Variants in SH3BGRL2 observed in about 807,000 individuals in gnomAD.
SH3BGRL2 encodes the protein SH3 domain binding glutamate rich protein like 2, also known as SH3 domain-binding glutamic acid-rich-like protein 2.
SH3BGRL2 carries 21 observed loss-of-function variants against 14.8 expected under a neutral mutation model. The ratio of observed to expected loss-of-function variants is 1.42; its 90% CI spans 1.01 to 2.05. SH3BGRL2 has a LOEUF of 2.05. Among genes scored for constraint, SH3BGRL2 ranks in the 30% most tolerant of loss-of-function variants. The pLI, the probability that SH3BGRL2 is intolerant of heterozygous loss-of-function variation, is 0.00. For synonymous variants in SH3BGRL2, 50 were observed against 47.8 expected, an observed-to-expected ratio of 1.05 and a Z score of -0.19; for missense variants, 147 against 130.8, an observed-to-expected ratio of 1.12 and a Z score of -0.61.
In SH3BGRL2 at chr6:79,655,577, G is replaced by A. The variant is rs944998855; in HGVS notation, c.46-18037G>A. Among the ~76,000 whole-genome samples the A allele has an allele frequency of 1.2e-4, 18 of 151,932 alleles. No individual in the cohort carries two copies. The South Asian group carries it at 1.2e-3, about 11-fold the overall frequency. On this transcript the variant is annotated intron_variant, in intron 1 of 3. Transcript: ENST00000369838. The stretch of plus-strand genomic sequence containing the variant: ...AGAAATCTCACACCCCTTTAGCAAC[G>A]GGTCCCCAAGCCCCCCACCTTTCTC...
the SH3BGRL2 span, among the ~76,000 whole-genome samples, chr6:79,593,920 G>A: frequency 1.3e-5 from 2 of 151,854 alleles, no homozygotes; most frequent in Non-Finnish European, 2.9e-5. Flanking sequence ...ACTTCATCAG[G>A]AGGCTGAGGC....
chr6:79,548,910 T>C, the SH3BGRL2 span, among the ~76,000 whole-genome samples: 32,492 of 152,068 alleles, frequency 0.21, 3,567 homozygotes, highest in African/African-American at 0.27. Flanking sequence ...GCATCAGAGC[T>C]AATATCAATA....
At chr6:79,547,861 C>T in the SH3BGRL2 span, among the ~76,000 whole-genome samples, 4 of 152,174 alleles carry the variant, frequency 2.6e-5, no homozygotes, top group East Asian at 7.7e-4. Context: ...CAACTATATA[C>T]ATAATAATAA....
At chr6:79,623,333 C>T in the SH3BGRL2 span, among the ~76,000 whole-genome samples, 5 of 151,500 alleles carry the variant, frequency 3.3e-5, no homozygotes, top group South Asian at 2.1e-4. Context: ...GATTTACAAT[C>T]GGGGGCAATT....
chr6:79,655,615 G>A (rs925176980), intron 1 of SH3BGRL2, among the ~76,000 whole-genome samples: 6 of 151,882 alleles, frequency 4.0e-5, no homozygotes, highest in African/African-American at 1.2e-4. Context: ...TCCAGCCCAA[G>A]GCTACTACTA....
intron 1 of SH3BGRL2, among the ~76,000 whole-genome samples, chr6:79,645,939 T>C (rs28360644): frequency 0.3 from 46,013 of 152,106 alleles, 7,239 homozygotes; most frequent in South Asian, 0.44. Context: ...TTATTAACTC[T>C]AGGGTAGAAC....
At chr6:79,602,479 G>A in the SH3BGRL2 span, among the ~76,000 whole-genome samples, 2 of 152,288 alleles carry the variant, frequency 1.3e-5, no homozygotes, top group Admixed American at 1.3e-4. Context: ...CCCAAAGTGT[G>A]CTTGTCAGTT....
chr6:79,638,543 T>C (rs1768970166), intron 1 of SH3BGRL2, among the ~76,000 whole-genome samples: 1 of 152,204 alleles, frequency 6.6e-6, no homozygotes, highest in Admixed American at 6.5e-5. Flanking sequence ...CTATAATGGC[T>C]GTACTCATAT....
chr6:79,629,973 A>G (rs1215228472), upstream of SH3BGRL2, among the ~76,000 whole-genome samples: 1 of 152,238 alleles, frequency 6.6e-6, no homozygotes, highest in Admixed American at 6.5e-5. Flanking sequence ...GAAATACGGT[A>G]TCTACTTTTA....
chr6:79,546,638 A>T, the SH3BGRL2 span, among the ~76,000 whole-genome samples: 1 of 152,002 alleles, frequency 6.6e-6, no homozygotes, highest in Non-Finnish European at 1.5e-5. Context: ...AGAAATTCAT[A>T]GGGTGCTTTG....
intron 1 of SH3BGRL2, 145 bp downstream of exon 1, chr6:79,631,651 G>T: frequency 3.0e-6 from 1 of 329,980 alleles, no homozygotes; most frequent in South Asian, 9.7e-5. Flanking sequence ...ATCACACTCC[G>T]ACAACAATGA....
chr6:79,586,123 G>A, the SH3BGRL2 span, among the ~76,000 whole-genome samples: 5 of 151,442 alleles, frequency 3.3e-5, no homozygotes, highest in African/African-American at 1.2e-4. Context: ...TTGAACCCGG[G>A]AGGCGGAGGT....
intron 1 of SH3BGRL2, among the ~76,000 whole-genome samples, chr6:79,658,408 T>C (rs1171707862): frequency 1.3e-5 from 2 of 152,198 alleles, no homozygotes; most frequent in Non-Finnish European, 2.9e-5. Flanking sequence ...TTTTCTGTCC[T>C]TGTGATAGTT....
intron 2 of SH3BGRL2, among the ~76,000 whole-genome samples, chr6:79,680,044 T>A (rs2127735232): frequency 6.6e-6 from 1 of 152,324 alleles, no homozygotes; most frequent in Admixed American, 6.5e-5. Context: ...CTTTTCACTC[T>A]GTTGATTGTG....
chr6:79,678,870 T>C (rs1169120805), intron 2 of SH3BGRL2, among the ~76,000 whole-genome samples: 5 of 152,178 alleles, frequency 3.3e-5, no homozygotes, highest in Non-Finnish European at 7.4e-5. Flanking sequence ...ACATGCAGCA[T>C]TTGGTTTTCT....
Position 79,683,053 on chromosome 6 carries a change from G to C in SH3BGRL2, c.231+9254G>C, listed in dbSNP as rs115816448. On this transcript the variant is annotated intron_variant, in intron 2 of 3. Coordinates refer to ENST00000369838, the MANE Select transcript of SH3BGRL2 (RefSeq NM_031469.4). Reference sequence around the variant, plus strand: ...CATCACACACCAGGGCCTGTCGAGCGGGGGAGCTGGGGGAGGGATAGCATT... The same window carrying C: ...CATCACACACCAGGGCCTGTCGAGCCGGGGAGCTGGGGGAGGGATAGCATT... Among the ~76,000 whole-genome samples, 613 of 152,194 alleles carry C rather than the reference G, an allele frequency of 4.0e-3. 9 individuals carry two copies. The highest frequency in any genetic ancestry group is 0.013 in the African/African-American group (559 of 41,544).
chr6:79,564,174 C>G, the SH3BGRL2 span, among the ~76,000 whole-genome samples: 1 of 149,558 alleles, frequency 6.7e-6, no homozygotes, highest in Non-Finnish European at 1.5e-5. Flanking sequence ...ATATATCTAA[C>G]GACTTGTGTA....
At chr6:79,698,849 C>G (rs187663349) in intron 3 of SH3BGRL2, among the ~76,000 whole-genome samples, 1 of 152,014 alleles carries the variant, frequency 6.6e-6, no homozygotes, top group Admixed American at 6.6e-5. Context: ...GCCATTTCAC[C>G]GATACTTTTT....
rs1280504178 is a variant in SH3BGRL2 at position 79,673,718 on chromosome 6, C to T, written c.150C>T (p.Tyr50=). ...TMSEEQRQWM[Y]KNVPPEKKPT... ...CAGAAGAACAGAGGCAATGGATGTA[C>T]AAAAACGTCCCCCCGGAAAAGAAAC... is the stretch of plus-strand genomic sequence containing the variant. Residue 50 remains tyrosine, a synonymous_variant, in exon 2 of 4, where the codon TAC becomes TAT. Coordinates refer to ENST00000369838, the MANE Select transcript of SH3BGRL2 (RefSeq NM_031469.4). 6.2e-7 allele frequency: 1 copy of T among 1,613,960 alleles called. No homozygotes were observed. The highest frequency in any genetic ancestry group is 1.3e-5 in the African/African-American group (1 of 74,872).
Sources: allele counts gnomAD v4.1 joint callset (sites outside exome capture counted in the v4.1 genomes callset), GRCh38; gene constraint gnomAD v4.1.1; transcripts MANE v1.5; gene names NCBI Gene and HGNC (gene_info 2026-07-23, HGNC 2026-07-21).